FZD6: variants seen among roughly 807,000 people sequenced by gnomAD.
FZD6 encodes the protein frizzled-6.
A neutral mutation model predicts 61.4 loss-of-function variants in FZD6; 49 were observed. That is an observed-to-expected ratio of 0.80 (90% CI 0.63 to 1.01). The LOEUF is 1.01. FZD6 is among the 50% of genes least tolerant of loss of function. The pLI, the probability that FZD6 is intolerant of heterozygous loss-of-function variation, is 0.00. For synonymous variants in FZD6, 265 were observed against 292.2 expected, an observed-to-expected ratio of 0.91 and a Z score of 0.95; for missense variants, 724 against 848.2, an observed-to-expected ratio of 0.85 and a Z score of 1.82.
chr8:103,300,097 A>T lies in FZD6; in HGVS notation c.-11A>T. Reference sequence around the variant, plus strand: ...TCCAAGCCATGTGGTAAAATCAGGAATTTGAAGAAAATGGAAATGTTTACA... The same window carrying T: ...TCCAAGCCATGTGGTAAAATCAGGATTTTGAAGAAAATGGAAATGTTTACA... On this transcript the variant is annotated 5_prime_UTR_variant, in exon 2 of 7. Coordinates refer to ENST00000358755, the MANE Select transcript of FZD6 (RefSeq NM_003506.4). 6.5e-7 allele frequency: 1 copy of T among 1,537,162 alleles called. No homozygotes were observed. Among genetic ancestry groups the T allele is most frequent in the South Asian group, 1.1e-5 (1 of 89,512 alleles).
intron 2 of FZD6, among the ~76,000 whole-genome samples, chr8:103,316,298 T>C (rs1358871277): frequency 6.6e-6 from 1 of 152,174 alleles, no homozygotes; most frequent in Non-Finnish European, 1.5e-5. Flanking sequence ...CAAAATAACA[T>C]ATACTCTGTC....
chr8:103,328,587 C>T, intron 5 of FZD6, among the ~76,000 whole-genome samples, 171 bp downstream of exon 5: 1 of 151,462 alleles, frequency 6.6e-6, no homozygotes, highest in East Asian at 1.9e-4. Context: ...TTTATTTTTG[C>T]ATTTGTTACA....
At chr8:103,308,156 CT>C (rs2130280755) in intron 2 of FZD6, among the ~76,000 whole-genome samples, 1 of 152,278 alleles carries the variant, frequency 6.6e-6, no homozygotes, top group African/African-American at 2.4e-5. Context: ...CCTGTTAAGC[CT>C]ATACTGGTGC....
rs955836890 is a variant in FZD6, at chr8:103,328,458, T to C, written c.1541+42T>C. The C allele has an allele frequency of 4.5e-6, 6 of 1,339,770 alleles. No homozygotes were observed. The African/African-American group carries it at 7.2e-5, about 16-fold the overall frequency. 83.0% of individuals were successfully genotyped at this position (1,339,770 alleles called of 1,614,324 possible). On this transcript the variant is annotated intron_variant, in intron 5 of 6. Coordinates refer to ENST00000358755, the MANE Select transcript of FZD6 (RefSeq NM_003506.4). ...TTGTCTGACACAATTTTTAAATAAA[T>C]AGATCAAAATACCAAGGAACTGTTC...
intron 2 of FZD6, among the ~76,000 whole-genome samples, chr8:103,306,628 G>A (rs1254789107): frequency 6.8e-6 from 1 of 147,588 alleles, no homozygotes. Flanking sequence ...TCAGCCTCCC[G>A]AGTAGCTGGG....
intron 3 of FZD6, among the ~76,000 whole-genome samples, chr8:103,324,275 G>A (rs1391766516): frequency 1.3e-5 from 2 of 151,870 alleles, no homozygotes; most frequent in Non-Finnish European, 2.9e-5. Context: ...ATAAATTATT[G>A]TGTTGAGGCC....
intron 3 of FZD6, among the ~76,000 whole-genome samples, chr8:103,322,482 CTT>C (rs1394218325): frequency 6.6e-6 from 1 of 151,834 alleles, no homozygotes; most frequent in Non-Finnish European, 1.5e-5. Flanking sequence ...TACTGACTGA[CTT>C]GATCATTTGC....
Position 103,325,186 on chromosome 8 carries a change from C to T in FZD6, c.1080C>T (p.Gly360=), listed in dbSNP as rs922241919. The T allele has an allele frequency of 6.2e-7, 1 of 1,614,110 alleles. No individual in the cohort carries two copies. The highest frequency in any genetic ancestry group is 8.5e-7 in the Non-Finnish European group (1 of 1,179,986). The change falls in exon 4 of 7, where the codon GGC becomes GGT. Residue 360 remains glycine, a synonymous_variant. Coordinates refer to ENST00000358755, the MANE Select transcript of FZD6 (RefSeq NM_003506.4). Reference sequence around the variant, plus strand: ...ACATTAGTGGAGTTTGCTTTGTTGGCCTTTATGACCTGGATGCTTCTCGCT... The same window carrying T: ...ACATTAGTGGAGTTTGCTTTGTTGGTCTTTATGACCTGGATGCTTCTCGCT... The part of the protein sequence containing the change: ...GDNISGVCFV[G]LYDLDASRYF...
At chr8:103,309,557 A>G (rs1460784756) in intron 2 of FZD6, among the ~76,000 whole-genome samples, 1 of 152,196 alleles carries the variant, frequency 6.6e-6, no homozygotes, top group East Asian at 1.9e-4. Flanking sequence ...ATTTTCTTTC[A>G]TGGTAGGGAG....
At chr8:103,307,171 T>C (rs1010806009) in intron 2 of FZD6, among the ~76,000 whole-genome samples, 5 of 152,228 alleles carry the variant, frequency 3.3e-5, no homozygotes, top group African/African-American at 1.2e-4. Context: ...TTATGCTTTA[T>C]ATATTTTTAA....
intron 6 of FZD6, among the ~76,000 whole-genome samples, chr8:103,330,556 G>C (rs1815090879): frequency 6.6e-6 from 1 of 152,118 alleles, no homozygotes; most frequent in Non-Finnish European, 1.5e-5. Flanking sequence ...AAGATCTCAA[G>C]GTTATCTTAC....
intron 2 of FZD6, among the ~76,000 whole-genome samples, chr8:103,311,224 G>A (rs1012216190): frequency 2.0e-5 from 3 of 152,128 alleles, no homozygotes; most frequent in Admixed American, 6.5e-5. Flanking sequence ...ATTACTGATC[G>A]CATTGCAGCT....
At chr8:103,322,713 G>A (rs1449399202) in intron 3 of FZD6, among the ~76,000 whole-genome samples, 1 of 152,096 alleles carries the variant, frequency 6.6e-6, no homozygotes, top group African/African-American at 2.4e-5. Flanking sequence ...TTAGGCTGAA[G>A]AAACTATAGA....
chr8:103,329,007 T>A (rs1213487489), intron 5 of FZD6, among the ~76,000 whole-genome samples: 69 of 24,238 alleles, frequency 2.8e-3, no homozygotes, highest in African/African-American at 7.8e-3. Context: ...GTAATTCATT[T>A]TAGTTTTATA....
At chr8:103,306,952 C>T (rs747812625) in intron 2 of FZD6, among the ~76,000 whole-genome samples, 5 of 152,084 alleles carry the variant, frequency 3.3e-5, no homozygotes, top group Admixed American at 6.5e-5. Context: ...TGTATGTCAC[C>T]ATGAGTAGAA....
In FZD6 at chr8:103,324,548, A is replaced by G. The variant is rs768203511; in HGVS notation, c.442A>G (p.Lys148Glu). 3.7e-6 allele frequency: 6 copies of G among 1,613,002 alleles called. No individual in the cohort carries two copies. The change falls in exon 4 of 7, where the codon AAG (lysine) becomes GAG (glutamate). Residue 148 changes from lysine (K) to glutamate (E), a missense_variant. Physicochemically the swap from Lys to Glu is moderately conservative, Grantham distance 56. Coordinates refer to ENST00000358755, the MANE Select transcript of FZD6 (RefSeq NM_003506.4). ...ACACACAGAATTTCTTGGTCCTCAG[A>G]AGAAAACAGAACAAGTCCAAAGAGA... Reference protein sequence around the residue: ...DPHTEFLGPQKKTEQVQRDIG... With the variant: ...DPHTEFLGPQEKTEQVQRDIG...
intron 3 of FZD6, among the ~76,000 whole-genome samples, chr8:103,319,161 AG>A (rs960643483): frequency 1.3e-5 from 2 of 152,198 alleles, no homozygotes; most frequent in Non-Finnish European, 2.9e-5. Flanking sequence ...TAAAGTACGA[AG>A]GGTAAGGGTA....
At chr8:103,314,781 C>T (rs893617444) in intron 2 of FZD6, among the ~76,000 whole-genome samples, 16 of 152,064 alleles carry the variant, frequency 1.1e-4, no homozygotes, top group Admixed American at 6.6e-4. Flanking sequence ...TCTGCTTGAC[C>T]GTTCATTTAC....
chr8:103,314,356 G>C (rs994880319), intron 2 of FZD6, among the ~76,000 whole-genome samples: 9 of 152,068 alleles, frequency 5.9e-5, no homozygotes, highest in South Asian at 2.1e-4. Context: ...TAGGAACTAG[G>C]CTTTTTTGGG....
Sources: gnomAD v4.1 joint callset for allele counts (sites outside exome capture counted in the v4.1 genomes callset) on GRCh38, gnomAD v4.1.1 for gene constraint, MANE v1.5 for transcripts, NCBI Gene and HGNC (gene_info 2026-07-23, HGNC 2026-07-21) for gene names.